The following PEX2 variants were observed in gnomAD, a reference collection of about 807,000 sequenced individuals.
PEX2 encodes peroxisomal biogenesis factor 2, also known as peroxisome biogenesis factor 2.
In PEX2, 19 loss-of-function variants were observed where a neutral mutation model predicts 25.2. The observed-to-expected ratio is 0.75, with a 90% CI of 0.53 to 1.10. PEX2 has a LOEUF of 1.10. Ranked by LOEUF, PEX2 falls within the 50% of genes least tolerant of loss-of-function variation. The probability of loss-of-function intolerance (pLI) is 0.00; values close to 1 mark genes in which losing one functional copy is unlikely to be tolerated. For missense variants in PEX2, 347 were observed against 350.6 expected (o/e 0.99, Z 0.08); for synonymous variants, 141 against 127.7 (o/e 1.10, Z -0.70).
rs796331465 is a variant in PEX2, at chr8:76,981,022, C to G, written c.*2239G>C. 5.3e-5 allele frequency: 8 copies of G among 152,370 alleles called. No individual in the cohort carries two copies. The highest frequency in any genetic ancestry group is 1.9e-4 in the African/African-American group (8 of 41,592). The allele number at this position is 152,370 out of a possible 1,614,324, so 9.4% of individuals were successfully genotyped here. On this transcript the variant is annotated 3_prime_UTR_variant, in exon 4 of 4. Transcript: ENST00000357039. ...AACCATCTGAGCACCTACATCCAGA[C>G]TGGGCCTGCAGTGTGCAGCTGGACT... is the stretch of plus-strand genomic sequence containing the variant.
rs760636932 is a variant in PEX2 at position 76,984,006 on chromosome 8, G to A, written c.173C>T (p.Ala58Val). Residue 58 changes from alanine (A) to valine (V), a missense_variant, in exon 4 of 4, where the codon GCG (alanine) becomes GTG (valine). Coordinates refer to ENST00000357039, the MANE Select transcript of PEX2 (RefSeq NM_000318.3). ...TCTCCACAAGAAAACCCATAAGCAC[G>A]CTTTCACCTCTGGCTCAAAGCGAGC... ...LLARFEPEVKACLWVFLWRFT... is the reference protein window; with the variant it reads ...LLARFEPEVKVCLWVFLWRFT... The A allele has an allele frequency of 4.3e-6, 7 of 1,613,872 alleles. No homozygotes were observed. The highest frequency in any genetic ancestry group is 4.0e-5 in the African/African-American group (3 of 74,906).
At chr8:76,991,732 A>C (rs1384926230) in intron 1 of PEX2, among the ~76,000 whole-genome samples, 1 of 152,174 alleles carries the variant, frequency 6.6e-6, no homozygotes, top group Non-Finnish European at 1.5e-5. Context: ...TAGCTCTGTC[A>C]CTTACTTGCT....
At chr8:76,998,187 G>A (rs1331810765) in intron 1 of PEX2, among the ~76,000 whole-genome samples, 7 of 151,458 alleles carry the variant, frequency 4.6e-5, no homozygotes, top group Admixed American at 4.6e-4. Flanking sequence ...GTGTGCAAGA[G>A]GGAAAGAAAC....
At chr8:76,989,315 C>T (rs906848427) in intron 1 of PEX2, among the ~76,000 whole-genome samples, 5 of 152,186 alleles carry the variant, frequency 3.3e-5, no homozygotes, top group Non-Finnish European at 7.3e-5. Context: ...TAGTTACTTC[C>T]TCCACTGAAG....
At chr8:76,994,788 T>G (rs1807274127) in intron 1 of PEX2, among the ~76,000 whole-genome samples, 1 of 152,182 alleles carries the variant, frequency 6.6e-6, no homozygotes, top group Non-Finnish European at 1.5e-5. Context: ...GCAATCAAAG[T>G]GGATGAGACC....
chr8:76,985,782 G>C (rs1231456476), intron 3 of PEX2, among the ~76,000 whole-genome samples: 1 of 152,100 alleles, frequency 6.6e-6, no homozygotes. Flanking sequence ...CATATTCTTC[G>C]ACAAGTCATT....
chr8:76,983,037 A>G lies in PEX2; in HGVS notation c.*224T>C, dbSNP rs1251866533. 1 of 1,258,220 alleles carries G rather than the reference A, an allele frequency of 7.9e-7. No homozygotes were observed. The highest frequency in any genetic ancestry group is 1.0e-6 in the Non-Finnish European group (1 of 955,728). The allele number at this position is 1,258,220 out of a possible 1,614,324, so 77.9% of individuals were successfully genotyped here. On this transcript the variant is annotated 3_prime_UTR_variant, in exon 4 of 4. Coordinates refer to ENST00000357039, the MANE Select transcript of PEX2 (RefSeq NM_000318.3). ...GCTGTCCATTATTCTTGACATTAAAAATTGAATGCAATGATTTAAAAAACA... is the reference window on the plus strand; with the variant it reads ...GCTGTCCATTATTCTTGACATTAAAGATTGAATGCAATGATTTAAAAAACA...
chr8:77,000,738 A>T (rs930340956), upstream of PEX2: 2 of 152,018 alleles, frequency 1.3e-5, no homozygotes, highest in South Asian at 2.1e-4. Context: ...AGAGCGGGCC[A>T]GCGCGCGCCT....
intron 1 of PEX2, among the ~76,000 whole-genome samples, chr8:76,991,097 A>AT (rs1807157194): frequency 6.6e-6 from 1 of 152,206 alleles, no homozygotes; most frequent in South Asian, 2.1e-4. Context: ...TACCCCCTTG[A>AT]TAAGCAACTC....
chr8:76,983,409 A>G lies in PEX2; in HGVS notation c.770T>C (p.Ile257Thr). The G allele has an allele frequency of 6.2e-7, 1 of 1,614,144 alleles. No individual in the cohort carries two copies. The highest frequency in any genetic ancestry group is 8.5e-7 in the Non-Finnish European group (1 of 1,180,026). Residue 257 changes from isoleucine to threonine, a missense_variant, in exon 4 of 4, where the codon ATA (isoleucine) becomes ACA (threonine). Physicochemically the swap from Ile to Thr is moderately conservative, Grantham distance 89. Transcript: ENST00000357039. ...ATAACAGAAAATATGCTCACATCCT[A>G]TGGTGTGAGGCATGGTGGGCCACTC... ...CGEWPTMPHT[I>T]GCEHIFCYFC...
chr8:76,999,712 T>C (rs1401403111), intron 1 of PEX2: 2 of 385,656 alleles, frequency 5.2e-6, no homozygotes, highest in Non-Finnish European at 1.0e-5. Flanking sequence ...GTTCGTCTCT[T>C]AAGTTACTAC....
Position 76,983,049 on chromosome 8 carries a change from T to C in PEX2, c.*212A>G. On this transcript the variant is annotated 3_prime_UTR_variant, in exon 4 of 4. Coordinates refer to ENST00000357039, the MANE Select transcript of PEX2 (RefSeq NM_000318.3). ...TCTTGACATTAAAAATTGAATGCAA[T>C]GATTTAAAAAACATAATACATTAAC... 1 of 1,316,608 alleles carries C rather than the reference T, an allele frequency of 7.6e-7. No individual in the cohort carries two copies. Among genetic ancestry groups the C allele is most frequent in the Non-Finnish European group, 1.0e-6 (1 of 1,005,020 alleles). The allele number at this position is 1,316,608 out of a possible 1,614,324, so 81.6% of individuals were successfully genotyped here.
intron 1 of PEX2, among the ~76,000 whole-genome samples, chr8:76,994,989 A>G (rs1185905304): frequency 6.6e-6 from 1 of 152,196 alleles, no homozygotes; most frequent in Admixed American, 6.5e-5. Flanking sequence ...ACGTGCATCA[A>G]AGAGGGATTT....
chr8:76,990,566 T>C (rs991721506), intron 1 of PEX2, among the ~76,000 whole-genome samples: 21 of 152,146 alleles, frequency 1.4e-4, no homozygotes, highest in East Asian at 3.9e-4. Context: ...TAAGAGGCCA[T>C]TGTAGGCTTA....
intron 3 of PEX2, among the ~76,000 whole-genome samples, chr8:76,985,744 G>C (rs1403527342): frequency 6.6e-6 from 1 of 152,154 alleles, no homozygotes; most frequent in African/African-American, 2.4e-5. Context: ...CATGGATCCT[G>C]CTGGAGCTCA....
intron 1 of PEX2, among the ~76,000 whole-genome samples, chr8:76,996,980 T>C (rs2132060898): frequency 6.6e-6 from 1 of 152,332 alleles, no homozygotes; most frequent in East Asian, 1.9e-4. Context: ...GAATGGACAT[T>C]TGCTAAGCTT....
chr8:76,998,802 G>C (rs1231200236), intron 1 of PEX2, among the ~76,000 whole-genome samples: 1 of 152,082 alleles, frequency 6.6e-6, no homozygotes, highest in Non-Finnish European at 1.5e-5. Flanking sequence ...CCCAGCTTGA[G>C]TACTAACACT....
chr8:76,987,034 C>G (rs1243599607), intron 2 of PEX2, among the ~76,000 whole-genome samples: 2 of 152,106 alleles, frequency 1.3e-5, no homozygotes. Flanking sequence ...CCCTTTAAAA[C>G]TATTTCAAAT....
At chr8:77,000,843 C>T (rs891747261), upstream of PEX2, 16 of 152,316 alleles carry the variant, frequency 1.1e-4, no homozygotes, top group African/African-American at 3.6e-4. Flanking sequence ...GGAATCGAGG[C>T]AGAGCTTCTG....
Sources: gnomAD v4.1 joint callset for allele counts (sites outside exome capture counted in the v4.1 genomes callset) on GRCh38, gnomAD v4.1.1 for gene constraint, MANE v1.5 for transcripts, NCBI Gene and HGNC (gene_info 2026-07-23, HGNC 2026-07-21) for gene names.